The following FHIT variants were observed in gnomAD, a reference collection of about 807,000 sequenced individuals.
The protein encoded by FHIT is bis(5'-adenosyl)-triphosphatase.
In FHIT, 19 loss-of-function variants were observed where a neutral mutation model predicts 17.9. The ratio of observed to expected loss-of-function variants is 1.06; its 90% confidence interval spans 0.74 to 1.56. The LOEUF (loss-of-function observed/expected upper bound fraction) is 1.56, where lower values mean the gene tolerates loss of function less well. Ranked by LOEUF, FHIT falls within the 40% of genes most tolerant of loss-of-function variation. The pLI, the probability that FHIT is intolerant of heterozygous loss-of-function variation, is 0.00. For missense variants in FHIT, 248 were observed against 189.2 expected, an observed-to-expected ratio of 1.31 and a Z score of -1.82; for synonymous variants, 81 against 69.7, an observed-to-expected ratio of 1.16 and a Z score of -0.81.
chr3:60,374,436 G>C (rs930345188), intron 5 of FHIT, among the ~76,000 whole-genome samples: 14 of 151,438 alleles, frequency 9.2e-5, no homozygotes, highest in Non-Finnish European at 1.3e-4. Flanking sequence ...CATTAAACAG[G>C]ACTAAAAGCT....
chr3:60,496,769 G>C (rs1463227575), intron 5 of FHIT, among the ~76,000 whole-genome samples: 1 of 152,114 alleles, frequency 6.6e-6, no homozygotes, highest in African/African-American at 2.4e-5. Flanking sequence ...CTTCCACTCA[G>C]GGACTAGAAT....
chr3:60,050,487 T>C (rs212046), intron 5 of FHIT, among the ~76,000 whole-genome samples: 20,778 of 152,114 alleles, frequency 0.14, 1,639 homozygotes, highest in Non-Finnish European at 0.18. Context: ...GTACTTGCCA[T>C]TTGAGAATCT....
intron 3 of FHIT, among the ~76,000 whole-genome samples, chr3:60,966,080 G>C (rs1709725827): frequency 6.6e-6 from 1 of 152,108 alleles, no homozygotes; most frequent in Non-Finnish European, 1.5e-5. Flanking sequence ...GCTGCGGTGG[G>C]CTCCACCCAT....
chr3:61,082,464 TATTC>T (rs1381770139), intron 2 of FHIT, among the ~76,000 whole-genome samples: 1 of 152,222 alleles, frequency 6.6e-6, no homozygotes, highest in African/African-American at 2.4e-5. Flanking sequence ...CCCTTTTACT[TATTC>T]ATTCTAATGT....
chr3:60,010,300 T>C (rs1029143197), intron 7 of FHIT, among the ~76,000 whole-genome samples: 2 of 152,212 alleles, frequency 1.3e-5, no homozygotes, highest in African/African-American at 4.8e-5. Context: ...TCTATCACCA[T>C]ACCCTGTGTG....
intron 4 of FHIT, among the ~76,000 whole-genome samples, chr3:60,543,146 T>G (rs1172113930): frequency 2.0e-5 from 3 of 152,148 alleles, no homozygotes; most frequent in Non-Finnish European, 4.4e-5. Context: ...CCACACAATG[T>G]CTGTTGCAAT....
At chr3:59,844,603 C>T (rs1386417685) in intron 8 of FHIT, among the ~76,000 whole-genome samples, 1 of 152,110 alleles carries the variant, frequency 6.6e-6, no homozygotes, top group African/African-American at 2.4e-5. Flanking sequence ...TCTTCTTGCT[C>T]TGCTGTGATG....
intron 5 of FHIT, among the ~76,000 whole-genome samples, chr3:60,347,912 C>T (rs1710877769): frequency 6.6e-6 from 1 of 152,050 alleles, no homozygotes; most frequent in Non-Finnish European, 1.5e-5. Context: ...GCGCCCACCA[C>T]CATGCCCGGC....
chr3:60,258,083 CACACACACACACACACA>C (rs1706101766), intron 5 of FHIT, among the ~76,000 whole-genome samples: 13 of 148,208 alleles, frequency 8.8e-5, no homozygotes, highest in Non-Finnish European at 1.8e-4. Flanking sequence ...CACACACACA[CACACACACACACACACA>C]CCTCTGCAGA....
chr3:60,616,239 TTTTC>T (rs1490277938), intron 4 of FHIT, among the ~76,000 whole-genome samples: 1 of 152,180 alleles, frequency 6.6e-6, no homozygotes, highest in Middle Eastern at 3.2e-3. Context: ...ACCCCAGATG[TTTTC>T]TTGTTTGTTC....
At chr3:60,841,599 C>T (rs1457590185) in intron 3 of FHIT, among the ~76,000 whole-genome samples, 1 of 152,138 alleles carries the variant, frequency 6.6e-6, no homozygotes, top group Admixed American at 6.5e-5. Flanking sequence ...ATTTTACTGT[C>T]AGAAACCTGG....
intron 8 of FHIT, among the ~76,000 whole-genome samples, chr3:59,763,854 TGAGGTGGAGAAGTGG>T (rs999471283): frequency 4.6e-5 from 7 of 152,142 alleles, no homozygotes; most frequent in African/African-American, 1.7e-4. Context: ...AGGTAGAAGA[TGAGGTGGAGAAGTGG>T]GAAAATCTCC....
intron 5 of FHIT, among the ~76,000 whole-genome samples, chr3:60,531,592 T>C (rs1444368648): frequency 1.3e-5 from 2 of 152,154 alleles, no homozygotes; most frequent in Non-Finnish European, 2.9e-5. Context: ...AGAAACTCTT[T>C]AGAGAAATGA....
chr3:60,290,857 C>T (rs1437315055), intron 5 of FHIT, among the ~76,000 whole-genome samples: 1 of 152,068 alleles, frequency 6.6e-6, no homozygotes, highest in Non-Finnish European at 1.5e-5. Context: ...GGTGGGAGGG[C>T]TCACAAAGGT....
At position 59,841,102 on chromosome 3, in the gene FHIT, A is replaced by G. The variant is rs141493069; in HGVS notation, c.348+81244T>C. On this transcript the variant is annotated intron_variant, in intron 8 of 9. Coordinates refer to ENST00000492590, the MANE Select transcript of FHIT (RefSeq NM_002012.4). ...CCTCTGAAGGTCAAGTTGGCTTGCT[A>G]CATTCTTGGCAGAGTCCATAGCCCC... 1.9e-3 allele frequency among the ~76,000 whole-genome samples: 289 copies of G among 152,304 alleles called. 2 individuals are homozygous for G. The highest frequency in any genetic ancestry group is 6.7e-3 in the African/African-American group (279 of 41,576).
chr3:60,913,556 T>A (rs1553766423), intron 3 of FHIT, among the ~76,000 whole-genome samples: 1 of 152,188 alleles, frequency 6.6e-6, no homozygotes, highest in East Asian at 1.9e-4. Flanking sequence ...GTACTGCTTA[T>A]CCCACTTTGG....
At chr3:60,852,181 T>C (rs1324774268) in intron 3 of FHIT, among the ~76,000 whole-genome samples, 1 of 152,148 alleles carries the variant, frequency 6.6e-6, no homozygotes, top group African/African-American at 2.4e-5. Context: ...TCTTACCTGA[T>C]AGTCTTCAGC....
At chr3:60,678,312 ATGCATATT>A (rs2040668778) in intron 4 of FHIT, among the ~76,000 whole-genome samples, 1 of 152,206 alleles carries the variant, frequency 6.6e-6, no homozygotes, top group South Asian at 2.1e-4. Context: ...AGCTACTAAT[ATGCATATT>A]TTGGCATACA....
intron 8 of FHIT, among the ~76,000 whole-genome samples, chr3:59,768,067 G>T (rs115864985): frequency 3.6e-3 from 554 of 152,242 alleles, no homozygotes; most frequent in African/African-American, 0.013. Context: ...CTGCCATGTT[G>T]GACTAAAAGC....
Sources: allele counts gnomAD v4.1 joint callset (sites outside exome capture counted in the v4.1 genomes callset), GRCh38; gene constraint gnomAD v4.1.1; transcripts MANE v1.5; gene names NCBI Gene and HGNC (gene_info 2026-07-23, HGNC 2026-07-21).